LRRC31: variants seen among roughly 807,000 people sequenced by gnomAD.
LRRC31 encodes the protein leucine-rich repeat-containing protein 31.
In LRRC31, 35 loss-of-function variants were observed where a neutral mutation model predicts 46.7. The observed-to-expected ratio is 0.75, with a 90% CI of 0.57 to 0.99. The LOEUF is 0.99. LRRC31 is among the 50% of genes least tolerant of loss of function. The pLI, the probability that LRRC31 is intolerant of heterozygous loss-of-function variation, is 0.00. For missense variants in LRRC31, 613 were observed against 626.1 expected (o/e 0.98, Z 0.22); for synonymous variants, 236 against 235.1 (o/e 1.00, Z -0.03).
intron 3 of LRRC31, among the ~76,000 whole-genome samples, chr3:169,858,110 T>C (rs1472348726): frequency 6.6e-6 from 1 of 152,198 alleles, no homozygotes; most frequent in Non-Finnish European, 1.5e-5. Context: ...TGTTCTCTTA[T>C]CAAGAAACCA....
intron 8 of LRRC31, among the ~76,000 whole-genome samples, chr3:169,845,810 C>A (rs981165165): frequency 2.7e-5 from 4 of 150,750 alleles, no homozygotes; most frequent in African/African-American, 9.7e-5. Flanking sequence ...CTCTAAGATG[C>A]AACACAAAAA....
chr3:169,850,033 A>G (rs1189452593), intron 7 of LRRC31, among the ~76,000 whole-genome samples: 1 of 152,136 alleles, frequency 6.6e-6, no homozygotes, highest in African/African-American at 2.4e-5. Flanking sequence ...TGCTTCCTGG[A>G]TAATGCTAAA....
chr3:169,844,403 C>T (rs1257179596), intron 8 of LRRC31, among the ~76,000 whole-genome samples: 2 of 151,908 alleles, frequency 1.3e-5, no homozygotes, highest in Non-Finnish European at 2.9e-5. Flanking sequence ...TGACAAAATT[C>T]GTTATAAGAA....
intron 1 of LRRC31, among the ~76,000 whole-genome samples, chr3:169,867,618 C>T (rs1781371869): frequency 6.6e-6 from 1 of 152,176 alleles, no homozygotes. Flanking sequence ...AGCGATCCTC[C>T]TGCCTCAGCT....
In LRRC31 at chr3:169,856,721, T is replaced by G. The variant is rs1413572588; in HGVS notation, c.639A>C (p.Glu213Asp). Residue 213 changes from glutamate to aspartate, a missense_variant, in exon 4 of 9, where the codon GAA becomes GAC. Coordinates refer to ENST00000316428, the MANE Select transcript of LRRC31 (RefSeq NM_024727.4). ...IELVDCSLTS[E>D]DGTFLGQLLP... ...TCCACTTACCCAGAAATGTCCCATC[T>G]TCTGACGTGAGGGAGCAATCCACAA... 1.3e-6 allele frequency: 2 copies of G among 1,588,206 alleles called. No individual in the cohort carries two copies. The highest frequency in any genetic ancestry group is 1.7e-6 in the Non-Finnish European group (2 of 1,166,322).
rs1201460561 is a variant in LRRC31, at chr3:169,859,865, G to T, written c.487+696C>A. ...ACCTCCATTGAAACTACATGAGGCT[G>T]GACACGGTGGCTCACACCTATAATC... On this transcript the variant is annotated intron_variant, in intron 3 of 8. Transcript: ENST00000316428. Among the ~76,000 whole-genome samples the T allele has an allele frequency of 3.9e-5, 6 of 152,224 alleles. No homozygotes were observed. The East Asian group carries it at 1.2e-3, about 29-fold the overall frequency.
At position 169,861,760 on chromosome 3, in the gene LRRC31, G is replaced by A. The variant is rs760109632; in HGVS notation, c.229C>T (p.His77Tyr). The change falls in exon 2 of 9, where the codon CAT (histidine) becomes TAT (tyrosine). Residue 77 changes from histidine (H) to tyrosine (Y), a missense_variant. Physicochemically the swap from His to Tyr is moderately conservative, Grantham distance 83. Transcript: ENST00000316428. The stretch of plus-strand genomic sequence containing the variant: ...TTTTTGCCCAGCTTCTGCAGGAAAT[G>A]CTCATTTTTCTCCATACTGGATCTC... ...EWRSSMEKNE[H>Y]FLQKLGKKAV... 6.2e-7 allele frequency: 1 copy of A among 1,614,098 alleles called. No homozygotes were observed. Among genetic ancestry groups the A allele is most frequent in the Non-Finnish European group, 8.5e-7 (1 of 1,179,972 alleles).
chr3:169,842,269 A>C (rs1490707472), intron 8 of LRRC31, among the ~76,000 whole-genome samples: 2 of 152,206 alleles, frequency 1.3e-5, no homozygotes, highest in African/African-American at 4.8e-5. Context: ...GTGATTAACA[A>C]ATTTTTAATG....
intron 1 of LRRC31, among the ~76,000 whole-genome samples, chr3:169,862,620 G>T (rs1044641782): frequency 8.6e-5 from 13 of 152,046 alleles, no homozygotes; most frequent in African/African-American, 2.9e-4. Flanking sequence ...AATTAGCCGG[G>T]CGTGGTGGTG....
chr3:169,857,318 C>CTATATATATA (rs34162537), intron 3 of LRRC31, among the ~76,000 whole-genome samples: 1,393 of 64,754 alleles, frequency 0.022, 14 homozygotes, highest in Non-Finnish European at 0.026. Context: ...TATCACATGC[C>CTATATATATA]TATATATATA....
Position 169,856,837 on chromosome 3 carries a change from G to T in LRRC31, c.523C>A (p.Leu175Ile). 1 of 1,609,124 alleles carries T rather than the reference G, an allele frequency of 6.2e-7. No homozygotes were observed. Among genetic ancestry groups the T allele is most frequent in the South Asian group, 1.1e-5 (1 of 89,860 alleles). ...AFEMIPELEE[L>I]NLSWNSKVGG... ...ACTTTACTGTTCCAAGACAAATTTA[G>T]CTCTTCAAGTTCAGGAATCATCTCA... is the stretch of plus-strand genomic sequence containing the variant. Residue 175 changes from leucine to isoleucine, a missense_variant, in exon 4 of 9, where the codon CTA becomes ATA. Coordinates refer to ENST00000316428, the MANE Select transcript of LRRC31 (RefSeq NM_024727.4).
At chr3:169,845,629 G>C (rs1245744662) in intron 8 of LRRC31, among the ~76,000 whole-genome samples, 1 of 152,042 alleles carries the variant, frequency 6.6e-6, no homozygotes, top group Admixed American at 6.5e-5. Context: ...TCAGTTAATG[G>C]CACTCAAATA....
intron 7 of LRRC31, among the ~76,000 whole-genome samples, chr3:169,850,479 G>T (rs1424988768): frequency 6.6e-6 from 1 of 152,212 alleles, no homozygotes; most frequent in African/African-American, 2.4e-5. Flanking sequence ...ACAAGTCTAG[G>T]TATGCTTGAA....
intron 5 of LRRC31, 65 bp from the exon 6 acceptor site, chr3:169,855,045 G>A: frequency 3.6e-6 from 5 of 1,388,770 alleles, no homozygotes; most frequent in Admixed American, 1.8e-5. Context: ...AGTCCCAGCT[G>A]CTAGGGAGAC....
At position 169,839,290 on chromosome 3, in the gene LRRC31, T is replaced by C. The variant is rs1780377784; in HGVS notation, c.*692A>G. 1 of 152,260 alleles carries C rather than the reference T, an allele frequency of 6.6e-6. No individual in the cohort carries two copies. The highest frequency in any genetic ancestry group is 2.4e-5 in the African/African-American group (1 of 41,476). The allele number at this position is 152,260 out of a possible 1,614,324, so 9.4% of individuals were successfully genotyped here. A position where few individuals can be genotyped will look rare whatever the true frequency, so the allele number is the denominator to read the frequency against. ...GGTTTTAATTTATTCTAACAAGATA[T>C]GTTTTTCATACTGAGTTTTAGATTT... is the stretch of plus-strand genomic sequence containing the variant. On this transcript the variant is annotated 3_prime_UTR_variant, in exon 9 of 9. Coordinates refer to ENST00000316428, the MANE Select transcript of LRRC31 (RefSeq NM_024727.4).
intron 1 of LRRC31, among the ~76,000 whole-genome samples, chr3:169,867,881 C>G (rs916680835): frequency 1.3e-5 from 2 of 151,910 alleles, no homozygotes; most frequent in East Asian, 3.8e-4. Flanking sequence ...TTAAAAATAG[C>G]TGAAATATGG....
intron 1 of LRRC31, among the ~76,000 whole-genome samples, chr3:169,865,206 C>T (rs889038312): frequency 2.0e-5 from 3 of 150,126 alleles, no homozygotes; most frequent in Non-Finnish European, 4.4e-5. Context: ...GCCGAGATTG[C>T]GCCACTGTAG....
At chr3:169,857,345 T>TATATATATACATATATACACAC (rs1491209579) in intron 3 of LRRC31, among the ~76,000 whole-genome samples, 1 of 89,452 alleles carries the variant, frequency 1.1e-5, no homozygotes, top group Non-Finnish European at 2.1e-5. Flanking sequence ...TATATATATA[T>TATATATATACATATATACACAC]ACACACACAC....
In LRRC31 at chr3:169,841,336, G is replaced by A. The variant is rs148815020; in HGVS notation, c.1328-1023C>T. ...GTCTCCCTTAAACTTTATCCCTGTA[G>A]GACTGAACATGCCCTGGTCTTTCAG... On this transcript the variant is annotated intron_variant, in intron 8 of 8. Transcript: ENST00000316428. Among the ~76,000 whole-genome samples, 131 of 152,284 alleles carry A rather than the reference G, an allele frequency of 8.6e-4. 3 individuals are homozygous for A. The East Asian group carries it at 0.02, about 24-fold the overall frequency.
Sources: gnomAD v4.1 joint callset for allele counts (sites outside exome capture counted in the v4.1 genomes callset) on GRCh38, gnomAD v4.1.1 for gene constraint, MANE v1.5 for transcripts, NCBI Gene and HGNC (gene_info 2026-07-23, HGNC 2026-07-21) for gene names.